DRC12: variants seen among roughly 807,000 people sequenced by gnomAD.
DRC12 encodes dynein regulatory complex protein 12.
chr11:119,195,572 G>A, the DRC12 span: 2 of 1,120,612 alleles, frequency 1.8e-6, no homozygotes, highest in Non-Finnish European at 2.6e-6. Context: ...ACTGAACCAG[G>A]AGACTCTCCT....
At chr11:119,195,421 C>G in the DRC12 span, 2 of 1,551,172 alleles carry the variant, frequency 1.3e-6, no homozygotes, top group Non-Finnish European at 1.7e-6. Context: ...CACCATGACT[C>G]ACCCCAGTTC....
chr11:119,194,640 G>C, the DRC12 span, among the ~76,000 whole-genome samples: 1 of 150,236 alleles, frequency 6.7e-6, no homozygotes. Context: ...CCAGGAGTTA[G>C]AGATTACAGT....
At chr11:119,190,772 C>T in the DRC12 span, 1 of 1,614,150 alleles carries the variant, frequency 6.2e-7, no homozygotes, top group Non-Finnish European at 8.5e-7. This position sits in a 1 kb window ranked among gnomAD's most constrained non-coding sequence, Gnocchi z 4.2. Context: ...TGAGCCAGGG[C>T]CTGGTCCCGC....
the DRC12 span, chr11:119,195,232 T>TA: frequency 1.6e-6 from 1 of 644,040 alleles, no homozygotes; most frequent in Non-Finnish European, 2.7e-6. Flanking sequence ...AGATGGGGCT[T>TA]AAAGGAGAGC....
chr11:119,192,613 G>T, the DRC12 span, among the ~76,000 whole-genome samples: 2 of 152,038 alleles, frequency 1.3e-5, no homozygotes, highest in South Asian at 4.1e-4. Context: ...CTTGAGAGGA[G>T]GAAATGGGGT....
At chr11:119,193,672 C>A in the DRC12 span, 1 of 1,513,292 alleles carries the variant, frequency 6.6e-7, no homozygotes. Flanking sequence ...CAGTCGGAAG[C>A]CCTCCTTGTT....
chr11:119,190,510 C>A, the DRC12 span: 2 of 1,605,664 alleles, frequency 1.2e-6, no homozygotes, highest in Non-Finnish European at 1.7e-6. The surrounding 1 kb of genome is among the most constrained non-coding windows in gnomAD (Gnocchi z 4.2). Context: ...GTGAGTGCTG[C>A]CCCAGGTTGG....
chr11:119,193,633 T>G, the DRC12 span: 3 of 1,460,864 alleles, frequency 2.1e-6, no homozygotes, highest in African/African-American at 4.3e-5. Context: ...TGATTTGTAC[T>G]GTTTGGGAAA....
At chr11:119,192,965 A>T in the DRC12 span, among the ~76,000 whole-genome samples, 6 of 152,150 alleles carry the variant, frequency 3.9e-5, no homozygotes, top group Non-Finnish European at 8.8e-5. Flanking sequence ...TACTTACAGC[A>T]GAGATTTTTG....
chr11:119,192,836 G>A, the DRC12 span, among the ~76,000 whole-genome samples: 3 of 152,112 alleles, frequency 2.0e-5, no homozygotes, highest in Non-Finnish European at 2.9e-5. Context: ...TAGTAGAGAC[G>A]GGGTTTTGCC....
At chr11:119,194,462 C>T in the DRC12 span, among the ~76,000 whole-genome samples, 108 of 122,238 alleles carry the variant, frequency 8.8e-4, 1 homozygote, top group African/African-American at 3.3e-3. Context: ...TGCAGTGAGC[C>T]GAGATCACAC....
the DRC12 span, chr11:119,190,633 A>G: frequency 6.4e-7 from 1 of 1,573,080 alleles, no homozygotes; most frequent in Non-Finnish European, 8.7e-7. The surrounding 1 kb of genome is among the most constrained non-coding windows in gnomAD (Gnocchi z 4.2). Flanking sequence ...GTTGTCAGTC[A>G]TCATACGAGC....
At chr11:119,190,334 G>A in the DRC12 span, 3 of 1,613,884 alleles carry the variant, frequency 1.9e-6, no homozygotes, top group Middle Eastern at 3.3e-4. This position sits in a 1 kb window ranked among gnomAD's most constrained non-coding sequence, Gnocchi z 4.2. Context: ...CAAAGATCCA[G>A]GGGGGGTGAG....
chr11:119,193,343 T>C, the DRC12 span: 2 of 1,045,266 alleles, frequency 1.9e-6, no homozygotes, highest in Non-Finnish European at 2.9e-6. Context: ...CTTGGTCTAG[T>C]GGAACAGGAG....
chr11:119,194,775 C>CT, the DRC12 span: 14 of 442,096 alleles, frequency 3.2e-5, no homozygotes, highest in East Asian at 4.7e-4. Context: ...TCACTGCCCA[C>CT]CCTCTCTCAT....
the DRC12 span, chr11:119,194,851 TC>T: frequency 9.7e-7 from 1 of 1,026,462 alleles, no homozygotes; most frequent in Non-Finnish European, 1.4e-6. Context: ...AACTCTCCAA[TC>T]CCCCAGGATA....
chr11:119,195,292 G>C, the DRC12 span: 2 of 803,328 alleles, frequency 2.5e-6, no homozygotes, highest in Admixed American at 2.6e-5. Context: ...TGGCTGTGAG[G>C]ACATGAAAGA....
the DRC12 span, chr11:119,193,861 C>T: frequency 6.4e-5 from 99 of 1,551,414 alleles, no homozygotes; most frequent in Non-Finnish European, 8.3e-5. Context: ...AGCCTTGGCT[C>T]GACGGGCTTC....
At chr11:119,193,580 A>C in the DRC12 span, 3 of 1,434,270 alleles carry the variant, frequency 2.1e-6, no homozygotes, top group Non-Finnish European at 2.7e-6. Context: ...CCTGCCTGGG[A>C]TCCCAGGAAC....
Sources: gnomAD v4.1 joint callset for allele counts (sites outside exome capture counted in the v4.1 genomes callset) on GRCh38, gnomAD v4.1.1 for gene constraint, Gnocchi (gnomAD v3.1) non-coding constraint, MANE v1.5 for transcripts, NCBI Gene and HGNC (gene_info 2026-07-23, HGNC 2026-07-21) for gene names.